Variants in ADGRV1 observed in about 807,000 individuals in gnomAD.
The protein encoded by ADGRV1 is adhesion G protein-coupled receptor V1.
ADGRV1 carries 359 observed loss-of-function variants against 596.2 expected under a neutral mutation model. That is an observed-to-expected ratio of 0.60 (90% CI 0.55 to 0.66). ADGRV1 has a LOEUF of 0.66. Ranked by LOEUF, ADGRV1 falls within the 30% of genes least tolerant of loss-of-function variation. The pLI is 0.00. For missense variants in ADGRV1, 7,274 were observed against 7,575.6 expected, an observed-to-expected ratio of 0.96 and a Z score of 1.48; for synonymous variants, 2,681 against 2,679.2, an observed-to-expected ratio of 1.00 and a Z score of -0.02.
chr5:90,624,759 T>C (rs922869983), intron 5 of ADGRV1, among the ~76,000 whole-genome samples: 61 of 152,344 alleles, frequency 4.0e-4, no homozygotes, highest in African/African-American at 1.4e-3. Context: ...TGATTTTATT[T>C]ATTCTTCACA....
chr5:90,888,305 T>C (rs1176220483), intron 83 of ADGRV1, among the ~76,000 whole-genome samples: 5 of 152,150 alleles, frequency 3.3e-5, no homozygotes, highest in Non-Finnish European at 7.4e-5. Flanking sequence ...AGCAGAAATA[T>C]TTATGTAGAT....
chr5:90,943,570 A>G (rs1041498662), intron 83 of ADGRV1, among the ~76,000 whole-genome samples: 5 of 152,122 alleles, frequency 3.3e-5, no homozygotes, highest in African/African-American at 4.8e-5. Flanking sequence ...TGGAGCTTCT[A>G]TCAGTTTCCT....
At chr5:90,609,424 T>C (rs1762479401) in intron 1 of ADGRV1, among the ~76,000 whole-genome samples, 1 of 152,040 alleles carries the variant, frequency 6.6e-6, no homozygotes, top group African/African-American at 2.4e-5. Flanking sequence ...ACTTTAAAAA[T>C]GTTTAGCACT....
At chr5:91,054,102 T>TGTGTGAGAGAGAGAGA (rs1299621929) in intron 85 of ADGRV1, among the ~76,000 whole-genome samples, 7 of 126,738 alleles carry the variant, frequency 5.5e-5, no homozygotes, top group Admixed American at 1.7e-4. Context: ...TGTGTGTGTG[T>TGTGTGAGAGAGAGAGA]GAGAGAGAGA....
intron 85 of ADGRV1, among the ~76,000 whole-genome samples, chr5:91,005,805 C>G (rs1338898883): frequency 6.6e-6 from 1 of 152,180 alleles, no homozygotes; most frequent in Non-Finnish European, 1.5e-5. Flanking sequence ...TGAGCAAAGT[C>G]TATTGCAATA....
rs1049802060 is a variant in ADGRV1, at chr5:91,071,687, T to C, written c.18153-760T>C. On this transcript the variant is annotated intron_variant, in intron 85 of 89. Transcript: ENST00000405460. The stretch of plus-strand genomic sequence containing the variant: ...TTATTTATTTTTATTTTATTAATTT[T>C]TTTTTGAGATGGAGTCTCCCTCTGT... Among the ~76,000 whole-genome samples the C allele has an allele frequency of 2.6e-5, 4 of 152,220 alleles. No individual in the cohort carries two copies. In the East Asian group the frequency reaches 7.7e-4, roughly 29 times the overall value.
intron 83 of ADGRV1, among the ~76,000 whole-genome samples, chr5:90,928,122 T>C (rs1774721245): frequency 6.6e-6 from 1 of 152,170 alleles, no homozygotes; most frequent in South Asian, 2.1e-4. Context: ...GAAGTTGCTC[T>C]TCTCGAGGAG....
At chr5:90,793,659 C>T (rs1168452113) in intron 70 of ADGRV1, among the ~76,000 whole-genome samples, 4 of 152,138 alleles carry the variant, frequency 2.6e-5, no homozygotes, top group Non-Finnish European at 5.9e-5. Context: ...CATTTGAAAG[C>T]TTAGCATTGC....
At chr5:91,106,739 T>C (rs1464945849) in intron 87 of ADGRV1, among the ~76,000 whole-genome samples, 1 of 152,152 alleles carries the variant, frequency 6.6e-6, no homozygotes, top group African/African-American at 2.4e-5. Flanking sequence ...CAAATGGAGA[T>C]CACATAAATA....
intron 77 of ADGRV1, among the ~76,000 whole-genome samples, chr5:90,839,265 AG>A (rs1765231226): frequency 6.6e-6 from 1 of 152,106 alleles, no homozygotes; most frequent in Non-Finnish European, 1.5e-5. Context: ...CCCAGGCTGG[AG>A]TGCAGTGGCA....
chr5:91,009,859 G>T (rs1165085010), intron 85 of ADGRV1, among the ~76,000 whole-genome samples: 1 of 151,940 alleles, frequency 6.6e-6, no homozygotes, highest in Non-Finnish European at 1.5e-5. Flanking sequence ...AAAAGCATCG[G>T]AAAATTAAGG....
At chr5:90,618,882 C>G (rs2152058112) in intron 3 of ADGRV1, among the ~76,000 whole-genome samples, 1 of 151,812 alleles carries the variant, frequency 6.6e-6, no homozygotes, top group Non-Finnish European at 1.5e-5. Context: ...TAATGGTTTT[C>G]AAAACTTTTT....
chr5:90,789,546 A>C (rs1288325592), intron 68 of ADGRV1, among the ~76,000 whole-genome samples, 156 bp from the exon 69 acceptor site: 2 of 152,176 alleles, frequency 1.3e-5, no homozygotes, highest in Admixed American at 6.5e-5. Context: ...GTGATAAAGA[A>C]GTTTTCAAAA....
chr5:90,751,088 T>C (rs1302473526), intron 53 of ADGRV1, among the ~76,000 whole-genome samples: 1 of 152,120 alleles, frequency 6.6e-6, no homozygotes, highest in African/African-American at 2.4e-5. Flanking sequence ...TATGAAAAAG[T>C]AGATCTGAGT....
intron 1 of ADGRV1, among the ~76,000 whole-genome samples, chr5:90,563,669 G>T (rs763768146): frequency 6.6e-6 from 1 of 152,168 alleles, no homozygotes; most frequent in Non-Finnish European, 1.5e-5. Flanking sequence ...AACAAAGAAG[G>T]TGCAATTCCT....
chr5:90,813,016 C>T (rs1762571123), intron 74 of ADGRV1, among the ~76,000 whole-genome samples: 1 of 150,550 alleles, frequency 6.6e-6, no homozygotes, highest in African/African-American at 2.4e-5. Flanking sequence ...ACCTGTCGTC[C>T]CAGCTACTCG....
intron 13 of ADGRV1, among the ~76,000 whole-genome samples, chr5:90,643,274 C>G (rs990586726): frequency 1.3e-5 from 2 of 151,556 alleles, no homozygotes; most frequent in African/African-American, 4.9e-5. Context: ...CAATCTTAGA[C>G]TTTCAGTGTG....
At chr5:90,605,935 A>G (rs1762063415) in intron 1 of ADGRV1, among the ~76,000 whole-genome samples, 2 of 152,210 alleles carry the variant, frequency 1.3e-5, no homozygotes, top group Admixed American at 6.5e-5. Context: ...GATGATGAAA[A>G]AAAAAGAAAA....
At chr5:91,103,976 G>GA (rs1455496044) in intron 87 of ADGRV1, among the ~76,000 whole-genome samples, 3 of 152,200 alleles carry the variant, frequency 2.0e-5, no homozygotes, top group African/African-American at 7.2e-5. Context: ...AGAAAGGGTA[G>GA]ATTGGTTTAA....
Sources: allele counts gnomAD v4.1 joint callset (sites outside exome capture counted in the v4.1 genomes callset), GRCh38; gene constraint gnomAD v4.1.1; transcripts MANE v1.5; gene names NCBI Gene and HGNC (gene_info 2026-07-23, HGNC 2026-07-21).